Variants in NKAIN4 observed in about 807,000 individuals in gnomAD.
NKAIN4 encodes the protein sodium/potassium transporting ATPase interacting 4.
NKAIN4 carries 28 observed loss-of-function variants against 28.8 expected under a neutral mutation model. That is an observed-to-expected ratio of 0.97 (90% CI 0.72 to 1.33). The LOEUF (loss-of-function observed/expected upper bound fraction) is 1.33, where lower values mean the gene tolerates loss of function less well. NKAIN4 is among the 40% of genes most tolerant of loss of function. The pLI, the probability that NKAIN4 is intolerant of heterozygous loss-of-function variation, is 0.00. For missense variants in NKAIN4, 289 were observed against 277.2 expected (o/e 1.04, Z -0.30); for synonymous variants, 122 against 115.6 (o/e 1.06, Z -0.36).
intron 3 of NKAIN4, 112 bp downstream of exon 3, chr20:63,248,703 G>T: frequency 1.4e-6 from 1 of 723,444 alleles, no homozygotes. Context: ...GCCATGCACA[G>T]ACTGAGCCCC....
chr20:63,246,890 T>G (rs1204048728), intron 4 of NKAIN4: 58 of 985,262 alleles, frequency 5.9e-5, no homozygotes, highest in Non-Finnish European at 7.0e-5. Flanking sequence ...GTTGTTAGGC[T>G]CACAGAGGCG....
chr20:63,249,864 G>A, intron 2 of NKAIN4, 71 bp downstream of exon 2: 1 of 1,496,482 alleles, frequency 6.7e-7, no homozygotes. Flanking sequence ...TGCCAGGATG[G>A]TGCCATGGGA....
Position 63,244,026 on chromosome 20 carries a change from C to T in NKAIN4, c.530G>A (p.Ser177Asn), listed in dbSNP as rs201583735. 2.2e-5 allele frequency: 36 copies of T among 1,612,942 alleles called. No homozygotes were observed. The highest frequency in any genetic ancestry group is 2.8e-5 in the Non-Finnish European group (33 of 1,179,302). The change falls in exon 5 of 7, where the codon AGC becomes AAC. Residue 177 changes from serine (S) to asparagine (N), a missense_variant and splice_region_variant. Ser to Asn is a conservative substitution (Grantham distance 46). Transcript: ENST00000370316. ...VVSVFTEEEDSFDFIGGFDPF... is the reference protein window; with the variant it reads ...VVSVFTEEEDNFDFIGGFDPF... ...GCCTGCAGAGGCCCCATACTCACAGCTGTCCTCTTCCTCCGTAAACACGCT... is the reference window on the plus strand; with the variant it reads ...GCCTGCAGAGGCCCCATACTCACAGTTGTCCTCTTCCTCCGTAAACACGCT...
chr20:63,246,866 T>C (rs1007960615), intron 4 of NKAIN4: 2 of 985,246 alleles, frequency 2.0e-6, no homozygotes, highest in Admixed American at 6.1e-5. Context: ...AGGCGGGAGC[T>C]GAGGCACACG....
At position 63,245,562 on chromosome 20, in the gene NKAIN4, C is replaced by T. The variant is rs1472744589; in HGVS notation, c.472-1478G>A. On this transcript the variant is annotated intron_variant, in intron 4 of 6. Transcript: ENST00000370316. This position sits in a 1 kb window ranked among gnomAD's most constrained non-coding sequence, Gnocchi z 4.7. ...CCCAGGTCCACCCCAAAGCTCTCCC[C>T]TCTCCCTGCTGCATGGAGGCCTGGG... is the stretch of plus-strand genomic sequence containing the variant. Among the ~76,000 whole-genome samples the T allele has an allele frequency of 1.3e-5, 2 of 152,122 alleles. No individual in the cohort carries two copies. Among genetic ancestry groups the T allele is most frequent in the Non-Finnish European group, 2.9e-5 (2 of 68,020 alleles).
chr20:63,251,873 T>C (rs1568713383), intron 1 of NKAIN4, among the ~76,000 whole-genome samples: 1 of 152,104 alleles, frequency 6.6e-6, no homozygotes, highest in African/African-American at 2.4e-5. Context: ...ACGAAACTCT[T>C]AGTCTCAGGC....
chr20:63,242,205 C>T (rs1327117463), intron 6 of NKAIN4, among the ~76,000 whole-genome samples: 3 of 152,166 alleles, frequency 2.0e-5, no homozygotes, highest in Admixed American at 2.0e-4. Flanking sequence ...CCTACAGCAC[C>T]CCCATGCCGC....
rs2066972615 is a variant in NKAIN4, at chr20:63,252,194, G to GT, written c.55-2123dup. Among the ~76,000 whole-genome samples the GT allele has an allele frequency of 6.6e-6, 1 of 152,172 alleles. No individual in the cohort carries two copies. Among genetic ancestry groups the GT allele is most frequent in the Non-Finnish European group, 1.5e-5 (1 of 68,016 alleles). On this transcript the variant is annotated intron_variant, in intron 1 of 6. Coordinates refer to ENST00000370316, the MANE Select transcript of NKAIN4 (RefSeq NM_152864.4). This position sits in a 1 kb window ranked among gnomAD's most constrained non-coding sequence, Gnocchi z 4.6. ...CCAGAGGCTCAGGGCTCCATGACAT[G>GT]TGGCGACATGCATGAGCAGGGAGGC... is the stretch of plus-strand genomic sequence containing the variant.
At chr20:63,241,971 T>C (rs763833929) in intron 6 of NKAIN4, among the ~76,000 whole-genome samples, 5 of 152,046 alleles carry the variant, frequency 3.3e-5, no homozygotes, top group African/African-American at 7.2e-5. Flanking sequence ...TCTGGGGGCC[T>C]GGGCAGCCCA....
chr20:63,242,146 G>A (rs1023565288), intron 6 of NKAIN4, among the ~76,000 whole-genome samples: 1 of 152,178 alleles, frequency 6.6e-6, no homozygotes, highest in Non-Finnish European at 1.5e-5. Flanking sequence ...AACAAGTCTG[G>A]TTCTGCCAGA....
chr20:63,254,405 A>G lies in NKAIN4; in HGVS notation c.46T>C (p.Phe16Leu), dbSNP rs2067015508. ...GAGGGGTCGCCACTCACCAGCTGAA[A>G]AGCGCAGAGGACGACGAGCGCGCAG... is the stretch of plus-strand genomic sequence containing the variant. ...GRCALVVLCAFQLVAALERQV... is the reference protein window; with the variant it reads ...GRCALVVLCALQLVAALERQV... Residue 16 changes from phenylalanine to leucine, a missense_variant, in exon 1 of 7, where the codon TTT becomes CTT. Transcript: ENST00000370316. 1.4e-6 allele frequency: 2 copies of G among 1,451,448 alleles called. No individual in the cohort carries two copies. Among genetic ancestry groups the G allele is most frequent in the Non-Finnish European group, 1.8e-6 (2 of 1,103,576 alleles). The allele number at this position is 1,451,448 out of a possible 1,614,324, so 89.9% of individuals were successfully genotyped here.
intron 1 of NKAIN4, among the ~76,000 whole-genome samples, chr20:63,250,507 C>G (rs757769110): frequency 6.6e-6 from 1 of 152,000 alleles, no homozygotes; most frequent in Non-Finnish European, 1.5e-5. Flanking sequence ...GTCGGATGGC[C>G]GGGAGGGACG....
At chr20:63,254,479 G>A (rs1312481453), upstream of NKAIN4, 9 of 1,298,848 alleles carry the variant, frequency 6.9e-6, no homozygotes, top group Non-Finnish European at 8.8e-6. Context: ...AGGCCCCCGG[G>A]TGCCCCGCGC....
In NKAIN4 at chr20:63,241,353, G is replaced by C. The variant is rs1293185499; in HGVS notation, c.*144C>G. 9.1e-6 allele frequency: 7 copies of C among 772,376 alleles called. No individual in the cohort carries two copies. Among genetic ancestry groups the C allele is most frequent in the African/African-American group, 3.5e-5 (2 of 57,772 alleles). The allele number at this position is 772,376 out of a possible 1,614,324, so 47.8% of individuals were successfully genotyped here. A position where few individuals can be genotyped will look rare whatever the true frequency, so the allele number is the denominator to read the frequency against. On this transcript the variant is annotated 3_prime_UTR_variant, in exon 7 of 7. Transcript: ENST00000370316. The stretch of plus-strand genomic sequence containing the variant: ...GCCCTGCCGCCCTGGCTGGTGTCCA[G>C]TACTTAGAACCCAGGGCAGGTGCTG...
rs1438919798 is a variant in NKAIN4, at chr20:63,242,602, T to A, written c.554A>T (p.Asp185Val). The A allele has an allele frequency of 6.2e-7, 1 of 1,612,850 alleles. No individual in the cohort carries two copies. Among genetic ancestry groups the A allele is most frequent in the Non-Finnish European group, 8.5e-7 (1 of 1,179,124 alleles). ...EDSFDFIGGF[D>V]PFPLYHVNEK... ...ATTGACATGGTAGAGAGGAAATGGA[T>A]CAAATCCACCAATGAAATCAACTGA... The change falls in exon 6 of 7, where the codon GAT (aspartate) becomes GTT (valine). Residue 185 changes from aspartate (D) to valine (V), a missense_variant. Physicochemically the swap from Asp to Val is radical, Grantham distance 152. Transcript: ENST00000370316.
intron 2 of NKAIN4, 81 bp from the exon 3 acceptor site, chr20:63,248,976 G>T: frequency 1.0e-6 from 1 of 958,756 alleles, no homozygotes; most frequent in Non-Finnish European, 1.7e-6. Flanking sequence ...GGGGGAAGGG[G>T]TCCCATGATC....
rs1435312937 is a variant in NKAIN4, at chr20:63,244,503, C to G, written c.472-419G>C. The G allele has an allele frequency of 6.7e-5, 32 of 474,942 alleles. No homozygotes were observed. In the Admixed American group the frequency reaches 7.5e-4, roughly 11 times the overall value. 29.4% of individuals were successfully genotyped at this position (474,942 alleles called of 1,614,324 possible). ...CCAGCCCACTCCAGCCAGCAGCCAC[C>G]AGGGGTTCCTCCTCCTCTGTGGAGC... On this transcript the variant is annotated intron_variant, in intron 4 of 6. Transcript: ENST00000370316.
rs1410208328 is a variant in NKAIN4, at chr20:63,247,756, A to C, written c.293T>G (p.Phe98Cys). The C allele has an allele frequency of 2.0e-6, 3 of 1,470,740 alleles. No homozygotes were observed. Among genetic ancestry groups the C allele is most frequent in the Non-Finnish European group, 2.7e-6 (3 of 1,106,576 alleles). 91.1% of individuals were successfully genotyped at this position (1,470,740 alleles called of 1,614,324 possible). A position where few individuals can be genotyped will look rare whatever the true frequency, so the allele number is the denominator to read the frequency against. ...CCAGGAGCGATGCCGGGAGAGGCTGAAGGTCAGTAGCTCGCTGTCCTAGGG... is the reference window on the plus strand; with the variant it reads ...CCAGGAGCGATGCCGGGAGAGGCTGCAGGTCAGTAGCTCGCTGTCCTAGGG... ...GLLKDSELLT[F>C]SLSRHRSWWR... The change falls in exon 4 of 7, where the codon TTC (phenylalanine) becomes TGC (cysteine). Residue 98 changes from phenylalanine to cysteine, a missense_variant. Coordinates refer to ENST00000370316, the MANE Select transcript of NKAIN4 (RefSeq NM_152864.4).
At chr20:63,251,215 A>G (rs1442470170) in intron 1 of NKAIN4, among the ~76,000 whole-genome samples, 1 of 151,956 alleles carries the variant, frequency 6.6e-6, no homozygotes, top group Admixed American at 6.6e-5. Flanking sequence ...CTTATCAGAG[A>G]CTTTCAGTAC....
Sources: allele counts gnomAD v4.1 joint callset (sites outside exome capture counted in the v4.1 genomes callset), GRCh38; gene constraint gnomAD v4.1.1; non-coding constraint Gnocchi (gnomAD v3.1); transcripts MANE v1.5; gene names NCBI Gene and HGNC (gene_info 2026-07-23, HGNC 2026-07-21).